The following EMILIN2 variants were observed in gnomAD, a reference collection of about 807,000 sequenced individuals.
EMILIN2 encodes EMILIN-2.
A neutral mutation model predicts 87.1 loss-of-function variants in EMILIN2; 71 were observed. The ratio of observed to expected loss-of-function variants is 0.82; its 90% CI spans 0.67 to 0.99. The LOEUF (loss-of-function observed/expected upper bound fraction) is 0.99, where lower values mean the gene tolerates loss of function less well. Ranked by LOEUF, EMILIN2 falls within the 50% of genes least tolerant of loss-of-function variation. EMILIN2 has a pLI of 0.00. For synonymous variants in EMILIN2, 581 were observed against 563.4 expected, an observed-to-expected ratio of 1.03 and a Z score of -0.44; for missense variants, 1,407 against 1,371.8, an observed-to-expected ratio of 1.03 and a Z score of -0.40.
chr18:2,915,496 G>C lies in EMILIN2; in HGVS notation c.*2092G>C, dbSNP rs2144086811. 1 of 151,876 alleles carries C rather than the reference G, an allele frequency of 6.6e-6. No individual in the cohort carries two copies. Among genetic ancestry groups the C allele is most frequent in the East Asian group, 1.9e-4 (1 of 5,152 alleles). The allele number at this position is 151,876 out of a possible 1,614,324, so 9.4% of individuals were successfully genotyped here. ...GTCAGTCAGAGGCATACCAAACCCTGAGACAGAATCAGGCACAAGTTCACA... is the reference window on the plus strand; with the variant it reads ...GTCAGTCAGAGGCATACCAAACCCTCAGACAGAATCAGGCACAAGTTCACA... On this transcript the variant is annotated 3_prime_UTR_variant, in exon 8 of 8. Coordinates refer to ENST00000254528, the MANE Select transcript of EMILIN2 (RefSeq NM_032048.3).
At chr18:2,893,059 T>C (rs934768640) in intron 4 of EMILIN2, among the ~76,000 whole-genome samples, 3 of 151,890 alleles carry the variant, frequency 2.0e-5, no homozygotes, top group African/African-American at 7.3e-5. Context: ...CTCAAATAAA[T>C]AAACAAACAA....
chr18:2,912,040 T>C (rs1221661043), intron 7 of EMILIN2, among the ~76,000 whole-genome samples: 1 of 146,740 alleles, frequency 6.8e-6, no homozygotes, highest in Non-Finnish European at 1.5e-5. Context: ...CACTTTTTTT[T>C]TTTTTTTTTT....
In EMILIN2 at chr18:2,869,010, C is replaced by A. The variant is rs2076705885; in HGVS notation, c.258-15954C>A. 2.7e-5 allele frequency among the ~76,000 whole-genome samples: 4 copies of A among 150,100 alleles called. No individual in the cohort carries two copies. The South Asian group carries it at 8.4e-4, about 31-fold the overall frequency. ...TCTTCCTTAATCATTGATCCAATAC[C>A]TTTAAAAGAACAAAAGTAAATATTA... On this transcript the variant is annotated intron_variant, in intron 2 of 7. Coordinates refer to ENST00000254528, the MANE Select transcript of EMILIN2 (RefSeq NM_032048.3).
chr18:2,851,598 C>G (rs912154148), intron 2 of EMILIN2, among the ~76,000 whole-genome samples: 5 of 152,278 alleles, frequency 3.3e-5, no homozygotes, highest in Admixed American at 1.3e-4. Flanking sequence ...TGTCACTGGG[C>G]CCTGACAGCC....
chr18:2,868,084 G>A (rs575164167), intron 2 of EMILIN2, among the ~76,000 whole-genome samples: 26 of 152,208 alleles, frequency 1.7e-4, no homozygotes, highest in Admixed American at 3.9e-4. Flanking sequence ...TTCTCAGATG[G>A]AGCGGCTGCC....
At chr18:2,851,855 T>C (rs576831345) in intron 2 of EMILIN2, among the ~76,000 whole-genome samples, 1 of 152,326 alleles carries the variant, frequency 6.6e-6, no homozygotes, top group East Asian at 1.9e-4. Context: ...ATTAGTTTAT[T>C]TAGTTTCTGC....
intron 2 of EMILIN2, among the ~76,000 whole-genome samples, chr18:2,853,914 C>T (rs940964029): frequency 2.0e-5 from 3 of 152,206 alleles, no homozygotes; most frequent in Non-Finnish European, 2.9e-5. Flanking sequence ...AAAACAGCAC[C>T]GTGTTTCTTC....
intron 2 of EMILIN2, among the ~76,000 whole-genome samples, chr18:2,879,077 A>AT (rs1015629071): frequency 6.6e-6 from 1 of 151,972 alleles, no homozygotes; most frequent in African/African-American, 2.4e-5. Flanking sequence ...ACATGTGGGT[A>AT]TTTTCAGGGA....
chr18:2,901,097 ACAGGAGGGCACTG>A (rs1053950487), intron 4 of EMILIN2, among the ~76,000 whole-genome samples: 127 of 152,356 alleles, frequency 8.3e-4, no homozygotes, highest in African/African-American at 3.0e-3. Flanking sequence ...TGCCTGGATG[ACAGGAGGGCACTG>A]CAGGTTGAGC....
chr18:2,901,383 A>C lies in EMILIN2; in HGVS notation c.2360-5400A>C, dbSNP rs545335144. ...GAGGGTGTTAGTTCAGGGGGAAGAC[A>C]CTCGTTTTTAGCACATCAGCCCCAT... On this transcript the variant is annotated intron_variant, in intron 4 of 7. Coordinates refer to ENST00000254528, the MANE Select transcript of EMILIN2 (RefSeq NM_032048.3). Among the ~76,000 whole-genome samples the C allele has an allele frequency of 4.6e-5, 7 of 152,252 alleles. No individual in the cohort carries two copies. The South Asian group carries it at 1.5e-3, about 32-fold the overall frequency.
intron 2 of EMILIN2, among the ~76,000 whole-genome samples, chr18:2,884,117 G>A (rs1196035382): frequency 2.6e-5 from 4 of 152,130 alleles, no homozygotes; most frequent in African/African-American, 4.8e-5. Context: ...CATCACGCCC[G>A]GCTAATGTTT....
At chr18:2,905,598 A>G (rs1377406243) in intron 4 of EMILIN2, among the ~76,000 whole-genome samples, 2 of 151,370 alleles carry the variant, frequency 1.3e-5, no homozygotes, top group Non-Finnish European at 1.5e-5. Context: ...GTCTAACTAT[A>G]TTTTTGAACC....
At position 2,850,995 on chromosome 18, in the gene EMILIN2, G is replaced by A. The variant is rs890121915; in HGVS notation, c.257+3064G>A. Among the ~76,000 whole-genome samples, 21 of 152,046 alleles carry A rather than the reference G, an allele frequency of 1.4e-4. No individual in the cohort carries two copies. The East Asian group carries it at 3.9e-3, about 28-fold the overall frequency. On this transcript the variant is annotated intron_variant, in intron 2 of 7. Transcript: ENST00000254528. ...AGAAAGAGGCCATTCAGGTCAGTGG[G>A]GTGCAGGCATTGTAATTTGTGTGAG... is the stretch of plus-strand genomic sequence containing the variant.
At chr18:2,884,393 G>A (rs961119302) in intron 2 of EMILIN2, among the ~76,000 whole-genome samples, 2 of 149,426 alleles carry the variant, frequency 1.3e-5, no homozygotes, top group Non-Finnish European at 3.0e-5. Flanking sequence ...CTACAGGCAT[G>A]CGCCACAACA....
chr18:2,861,185 C>A (rs2076659357), intron 2 of EMILIN2, among the ~76,000 whole-genome samples: 1 of 152,100 alleles, frequency 6.6e-6, no homozygotes, highest in Admixed American at 6.6e-5. Context: ...CTGTAGGTTG[C>A]CTGTTCACTC....
At chr18:2,865,510 G>A (rs1380770014) in intron 2 of EMILIN2, among the ~76,000 whole-genome samples, 1 of 152,196 alleles carries the variant, frequency 6.6e-6, no homozygotes, top group African/African-American at 2.4e-5. Context: ...CAGCAGCGGA[G>A]GCTGCAGAAC....
chr18:2,906,702 C>T (rs2076914291), intron 4 of EMILIN2, 81 bp from the exon 5 acceptor site: 1 of 1,113,072 alleles, frequency 9.0e-7, no homozygotes, highest in Non-Finnish European at 1.1e-6. Flanking sequence ...CTCGCCGGGA[C>T]TCATGGAGGG....
Position 2,880,176 on chromosome 18 carries a change from CTT to C in EMILIN2, c.258-4786_258-4785del, listed in dbSNP as rs972993984. Reference sequence around the variant, plus strand: ...CTCAACTTGAGTCAGTAGAAGGAGTCTTTGTGGGGGTGACATCAAGTGGAGGT... The same window carrying C: ...CTCAACTTGAGTCAGTAGAAGGAGTCTGTGGGGGTGACATCAAGTGGAGGT... On this transcript the variant is annotated intron_variant, in intron 2 of 7. Coordinates refer to ENST00000254528, the MANE Select transcript of EMILIN2 (RefSeq NM_032048.3). The surrounding 1 kb of genome is among the most constrained non-coding windows in gnomAD (Gnocchi z 4.1). Among the ~76,000 whole-genome samples the C allele has an allele frequency of 6.6e-6, 1 of 152,028 alleles. No individual in the cohort carries two copies. The highest frequency in any genetic ancestry group is 2.4e-5 in the African/African-American group (1 of 41,374).
At chr18:2,866,368 T>A (rs888803959) in intron 2 of EMILIN2, among the ~76,000 whole-genome samples, 5 of 152,236 alleles carry the variant, frequency 3.3e-5, no homozygotes, top group Admixed American at 1.3e-4. Flanking sequence ...CAGCAGTGTT[T>A]TGTAGTTTTC....
Sources: allele counts gnomAD v4.1 joint callset (sites outside exome capture counted in the v4.1 genomes callset), GRCh38; gene constraint gnomAD v4.1.1; non-coding constraint Gnocchi (gnomAD v3.1); transcripts MANE v1.5; gene names NCBI Gene and HGNC (gene_info 2026-07-23, HGNC 2026-07-21).